The following GNA12 variants were observed in gnomAD, a reference collection of about 807,000 sequenced individuals.
GNA12 encodes the protein G protein subunit alpha 12.
Under a neutral mutation model 26.0 loss-of-function variants are expected in GNA12, and 9 were observed. That is an observed-to-expected ratio of 0.35 (90% CI 0.21 to 0.60). GNA12 has a LOEUF of 0.60. GNA12 is among the 20% of genes least tolerant of loss of function. GNA12 has a pLI of 0.78. For synonymous variants in GNA12, 264 were observed against 219.6 expected, an observed-to-expected ratio of 1.20 and a Z score of -1.79; for missense variants, 405 against 525.8, an observed-to-expected ratio of 0.77 and a Z score of 2.25.
At chr7:2,836,355 T>C (rs1377531299) in intron 1 of GNA12, among the ~76,000 whole-genome samples, 2 of 152,152 alleles carry the variant, frequency 1.3e-5, no homozygotes, top group Non-Finnish European at 2.9e-5. Context: ...AAGTTCTGAA[T>C]GTAACACAAC....
rs1183782376 is a variant in GNA12 at position 2,789,205 on chromosome 7, G to A, written c.525+5723C>T. On this transcript the variant is annotated intron_variant, in intron 2 of 3. Transcript: ENST00000275364. ...GGCTGGAGTGCAGTGGCGGGATCTCGGCTCACTGCAAGCTCCGCCTCCCGG... is the reference window on the plus strand; with the variant it reads ...GGCTGGAGTGCAGTGGCGGGATCTCAGCTCACTGCAAGCTCCGCCTCCCGG... Among the ~76,000 whole-genome samples the A allele has an allele frequency of 1.6e-3, 202 of 128,600 alleles. 3 individuals carry two copies. The highest frequency in any genetic ancestry group is 6.1e-3 in the African/African-American group (199 of 32,834). The allele number at this position is 128,600 out of a possible 152,430, so 84.4% of individuals were successfully genotyped here. A position where few individuals can be genotyped will look rare whatever the true frequency, so the allele number is the denominator to read the frequency against.
chr7:2,806,308 A>G lies in GNA12; in HGVS notation c.310-11165T>C, dbSNP rs112646415. The stretch of plus-strand genomic sequence containing the variant: ...AGCCTGGCCAACATGGTGAAACCCT[A>G]TCTCTACTAAAAACACAAAAATTAG... On this transcript the variant is annotated intron_variant, in intron 1 of 3. Transcript: ENST00000275364. 6.7e-3 allele frequency among the ~76,000 whole-genome samples: 1,027 copies of G among 152,176 alleles called. 12 individuals are homozygous for G. Among genetic ancestry groups the G allele is most frequent in the African/African-American group, 0.023 (970 of 41,524 alleles).
chr7:2,841,944 T>G (rs1483578476), intron 1 of GNA12, among the ~76,000 whole-genome samples: 1 of 148,632 alleles, frequency 6.7e-6, no homozygotes, highest in African/African-American at 2.5e-5. Context: ...TCTAACTTGG[T>G]TTCCCCAAAA....
At chr7:2,834,006 G>C (rs1778757241) in intron 1 of GNA12, among the ~76,000 whole-genome samples, 1 of 152,184 alleles carries the variant, frequency 6.6e-6, no homozygotes, top group Non-Finnish European at 1.5e-5. Flanking sequence ...TGCAGTGCAT[G>C]GGCCACTAGT....
intron 2 of GNA12, among the ~76,000 whole-genome samples, chr7:2,779,500 A>G (rs1286417110): frequency 1.3e-5 from 2 of 151,292 alleles, no homozygotes; most frequent in African/African-American, 2.4e-5. Flanking sequence ...ACAGAGTGAG[A>G]CTCTCAAAAA....
intron 2 of GNA12, among the ~76,000 whole-genome samples, chr7:2,759,734 T>C (rs1418012060): frequency 1.3e-5 from 2 of 152,208 alleles, no homozygotes; most frequent in African/African-American, 4.8e-5. Context: ...CACTTCAGAA[T>C]TTTAAAAAGA....
Position 2,799,018 on chromosome 7 carries a change from A to C in GNA12, c.310-3875T>G, listed in dbSNP as rs1205031808. On this transcript the variant is annotated intron_variant, in intron 1 of 3. Coordinates refer to ENST00000275364, the MANE Select transcript of GNA12 (RefSeq NM_007353.3). ...TAAACCTCACAGCTTATACAAAATC[A>C]AATCAAAATGTAGAACTATATATAA... Among the ~76,000 whole-genome samples the C allele has an allele frequency of 2.6e-5, 4 of 152,218 alleles. No individual in the cohort carries two copies. In the East Asian group the frequency reaches 7.7e-4, roughly 29 times the overall value.
intron 1 of GNA12, among the ~76,000 whole-genome samples, chr7:2,813,032 C>T (rs141129332): frequency 2.4e-4 from 37 of 152,298 alleles, no homozygotes; most frequent in East Asian, 1.9e-3. Flanking sequence ...CAGCCTCAAA[C>T]TCCCAGGCTC....
chr7:2,818,839 G>A (rs1290130000), intron 1 of GNA12, among the ~76,000 whole-genome samples: 1 of 151,016 alleles, frequency 6.6e-6, no homozygotes, highest in African/African-American at 2.4e-5. Flanking sequence ...GGTTTCGCTT[G>A]CCGTTTTCAC....
intron 2 of GNA12, among the ~76,000 whole-genome samples, chr7:2,750,375 G>A (rs1444734463): frequency 6.6e-6 from 1 of 152,206 alleles, no homozygotes; most frequent in African/African-American, 2.4e-5. Context: ...GGTTATGCCT[G>A]GCTTTTAAGA....
At chr7:2,810,659 G>A (rs1382524243) in intron 1 of GNA12, among the ~76,000 whole-genome samples, 1 of 152,176 alleles carries the variant, frequency 6.6e-6, no homozygotes, top group African/African-American at 2.4e-5. Flanking sequence ...CACTTTGGGA[G>A]GCTGAGGCGG....
intron 1 of GNA12, chr7:2,814,502 A>G (rs951048601): frequency 2.7e-6 from 2 of 750,578 alleles, no homozygotes; most frequent in Non-Finnish European, 2.3e-6. Flanking sequence ...AAAGACACAA[A>G]CCAAGACTTT....
intron 2 of GNA12, among the ~76,000 whole-genome samples, chr7:2,749,977 G>T (rs565412851): frequency 6.6e-6 from 1 of 152,310 alleles, no homozygotes; most frequent in South Asian, 2.1e-4. Flanking sequence ...GAGTGGGGCA[G>T]AGAATGTTTT....
intron 1 of GNA12, among the ~76,000 whole-genome samples, chr7:2,811,508 C>T (rs1793081104): frequency 6.6e-6 from 1 of 152,090 alleles, no homozygotes; most frequent in South Asian, 2.1e-4. Flanking sequence ...ATGTCATGAC[C>T]AATGAAGTAA....
rs758624210 is a variant in GNA12, at chr7:2,731,338, T to A, written c.989A>T (p.Tyr330Phe). Residue 330 changes from tyrosine to phenylalanine, a missense_variant, in exon 4 of 4, where the codon TAC becomes TTC. Transcript: ENST00000275364. The surrounding 1 kb of genome is among the most constrained non-coding windows in gnomAD (Gnocchi z 6.0). ...DPHRLEDVQR[Y>F]LVQCFDRKRR... ...CTTCCTGTCGAAGCACTGGACCAGG[T>A]AGCGCTGGACGTCCTCCAGCCTGTG... 1.4e-5 allele frequency: 23 copies of A among 1,613,876 alleles called. No homozygotes were observed. Among genetic ancestry groups the A allele is most frequent in the Non-Finnish European group, 1.9e-5 (22 of 1,179,998 alleles).
intron 1 of GNA12, among the ~76,000 whole-genome samples, chr7:2,813,658 C>T (rs913654329): frequency 6.6e-6 from 1 of 151,970 alleles, no homozygotes; most frequent in Non-Finnish European, 1.5e-5. Flanking sequence ...AGGCAATCGC[C>T]CCATGTGAGC....
chr7:2,728,117 CAAAG>C lies in GNA12; in HGVS notation c.*3060_*3063del. 6.6e-6 allele frequency: 1 copy of C among 151,556 alleles called. No homozygotes were observed. The highest frequency in any genetic ancestry group is 1.9e-4 in the East Asian group (1 of 5,308). The allele number at this position is 151,556 out of a possible 1,614,324, so 9.4% of individuals were successfully genotyped here. The stretch of plus-strand genomic sequence containing the variant: ...AATACTGGCACTATTTTATATTAAG[CAAAG>C]AAAGACTAAATTTATTTTAATAAAC... On this transcript the variant is annotated 3_prime_UTR_variant, in exon 4 of 4. Coordinates refer to ENST00000275364, the MANE Select transcript of GNA12 (RefSeq NM_007353.3).
chr7:2,733,640 G>T, intron 2 of GNA12, 139 bp from the exon 3 acceptor site: 1 of 664,086 alleles, frequency 1.5e-6, no homozygotes, highest in Non-Finnish European at 2.7e-6. Flanking sequence ...GGCAGAGAGT[G>T]TCCGTGTGTT....
At chr7:2,792,667 T>G (rs909490697) in intron 2 of GNA12, among the ~76,000 whole-genome samples, 2 of 152,250 alleles carry the variant, frequency 1.3e-5, no homozygotes, top group African/African-American at 4.8e-5. Context: ...TCCCAATTGT[T>G]TCTTCCAGCC....
Sources: allele counts gnomAD v4.1 joint callset (sites outside exome capture counted in the v4.1 genomes callset), GRCh38; gene constraint gnomAD v4.1.1; non-coding constraint Gnocchi (gnomAD v3.1); transcripts MANE v1.5; gene names NCBI Gene and HGNC (gene_info 2026-07-23, HGNC 2026-07-21).